RBFOX1: variants seen among roughly 807,000 people sequenced by gnomAD.
RBFOX1 encodes RNA binding protein fox-1 homolog 1.
RBFOX1 carries 8 observed loss-of-function variants against 57.7 expected under a neutral mutation model. The observed-to-expected ratio is 0.14, with a 90% CI of 0.08 to 0.25. RBFOX1 has a LOEUF of 0.25. RBFOX1 is among the 10% of genes least tolerant of loss of function. The pLI is 1.00. For missense variants in RBFOX1, 611 were observed against 548.5 expected (o/e 1.11, Z -1.14); for synonymous variants, 326 against 222.4 (o/e 1.47, Z -4.15).
chr16:5,986,689 T>G (rs777602672), intron 4 of RBFOX1, among the ~76,000 whole-genome samples: 1 of 152,210 alleles, frequency 6.6e-6, no homozygotes, highest in Admixed American at 6.5e-5. Context: ...CCCTGAAGAT[T>G]CCCCCAAGTT....
chr16:7,369,580 G>GTTGGC (rs1432328574), intron 4 of RBFOX1, among the ~76,000 whole-genome samples: 2 of 152,262 alleles, frequency 1.3e-5, no homozygotes, highest in East Asian at 3.9e-4. Flanking sequence ...TGGTTATAGT[G>GTTGGC]TTGGCTTTAA....
In RBFOX1 at chr16:6,085,375, C is replaced by T. The variant is rs375688672; in HGVS notation, c.-127+65383C>T. ...GCAACCTCTGCCTAGCGGGTTCAAG[C>T]GATTCTCCTGCCTCAGCCTCCCGAG... On this transcript the variant is annotated intron_variant, in intron 1 of 15. Transcript: ENST00000550418. Among the ~76,000 whole-genome samples, 308 of 152,282 alleles carry T rather than the reference C, an allele frequency of 2.0e-3. 1 individual carries two copies. Among genetic ancestry groups the T allele is most frequent in the African/African-American group, 7.3e-3 (303 of 41,542 alleles).
intron 3 of RBFOX1, among the ~76,000 whole-genome samples, chr16:6,954,075 G>A (rs2081292393): frequency 6.6e-6 from 1 of 152,158 alleles, no homozygotes; most frequent in Non-Finnish European, 1.5e-5. Context: ...TGTCAACAAG[G>A]CGGTAATAAA....
chr16:5,340,711 T>C (rs1449876575), intron 1 of RBFOX1, among the ~76,000 whole-genome samples: 1 of 152,206 alleles, frequency 6.6e-6, no homozygotes, highest in Non-Finnish European at 1.5e-5. Context: ...TAGCAAGTAA[T>C]CAATTCATTT....
chr16:7,297,906 C>G (rs2095933773), intron 4 of RBFOX1, among the ~76,000 whole-genome samples: 1 of 151,970 alleles, frequency 6.6e-6, no homozygotes, highest in African/African-American at 2.4e-5. Context: ...TTTGTATGCA[C>G]TTCACATGAC....
rs142946235 is a variant in RBFOX1, at chr16:6,521,193, C to T, written c.-63-133410C>T. 8.2e-4 allele frequency among the ~76,000 whole-genome samples: 125 copies of T among 152,042 alleles called. 1 individual carries two copies. The highest frequency in any genetic ancestry group is 2.9e-3 in the African/African-American group (121 of 41,488). On this transcript the variant is annotated intron_variant, in intron 2 of 15. Transcript: ENST00000550418. ...GAAAAATACCTAACAATGGGTATTG[C>T]TTAAATTATAGCAAATAGACATTAT...
intron 2 of RBFOX1, among the ~76,000 whole-genome samples, chr16:5,471,249 C>T (rs1451439912): frequency 6.6e-6 from 1 of 152,200 alleles, no homozygotes; most frequent in Non-Finnish European, 1.5e-5. Context: ...ATGGGAATTC[C>T]TATTGAGGAA....
chr16:6,521,497 T>C (rs919947265), intron 2 of RBFOX1, among the ~76,000 whole-genome samples: 1 of 137,846 alleles, frequency 7.3e-6, no homozygotes, highest in Non-Finnish European at 1.5e-5. Flanking sequence ...TCTCCTCCCG[T>C]TTTATCCCCT....
Position 6,529,354 on chromosome 16 carries a change from G to A in RBFOX1, c.-63-125249G>A, listed in dbSNP as rs140835532. ...GAGGCAGGCAGATCAAGTTCAGAAG[G>A]TGGAGACCAGCCTGACCAACTTGGT... On this transcript the variant is annotated intron_variant, in intron 2 of 15. Transcript: ENST00000550418. Among the ~76,000 whole-genome samples the A allele has an allele frequency of 4.6e-4, 70 of 152,128 alleles. 1 individual carries two copies. The highest frequency in any genetic ancestry group is 7.6e-4 in the Non-Finnish European group (52 of 68,014).
intron 4 of RBFOX1, among the ~76,000 whole-genome samples, chr16:7,249,765 T>G (rs1027189025): frequency 6.6e-6 from 1 of 152,180 alleles, no homozygotes; most frequent in Non-Finnish European, 1.5e-5. Flanking sequence ...CCGACAGTGA[T>G]GAGCAACATT....
At chr16:5,712,145 G>C (rs34057948) in intron 3 of RBFOX1, among the ~76,000 whole-genome samples, 82,484 of 152,064 alleles carry the variant, frequency 0.54, 25,980 homozygotes, top group Non-Finnish European at 0.72. Context: ...TCTCTATCAT[G>C]AGAGCAGCAT....
rs1044913462 is a variant in RBFOX1, at chr16:6,796,255, AC to A, written c.-16+141610del. Among the ~76,000 whole-genome samples the A allele has an allele frequency of 2.6e-5, 4 of 151,884 alleles. No homozygotes were observed. The South Asian group carries it at 6.2e-4, about 24-fold the overall frequency. ...GAAGAGAACAGTGAAGGAAAGACCC[AC>A]CCCCGTAATTCAGTCAACTCTCACT... is the stretch of plus-strand genomic sequence containing the variant. On this transcript the variant is annotated intron_variant, in intron 3 of 15. Coordinates refer to ENST00000550418, the MANE Select transcript of RBFOX1 (RefSeq NM_018723.4).
chr16:7,590,786 G>A (rs559532591), intron 7 of RBFOX1, among the ~76,000 whole-genome samples: 1 of 151,662 alleles, frequency 6.6e-6, no homozygotes, highest in African/African-American at 2.4e-5. Flanking sequence ...TTGAACCCGG[G>A]GGGTGGAGAT....
intron 1 of RBFOX1, among the ~76,000 whole-genome samples, chr16:6,145,020 T>A (rs918196009): frequency 6.6e-6 from 1 of 152,166 alleles, no homozygotes; most frequent in African/African-American, 2.4e-5. Context: ...TTATTTTTTT[T>A]AATCATAGTA....
chr16:5,389,641 C>G (rs1208934138), intron 1 of RBFOX1, among the ~76,000 whole-genome samples: 1 of 151,756 alleles, frequency 6.6e-6, no homozygotes, highest in Non-Finnish European at 1.5e-5. Flanking sequence ...CTCTCTCTTT[C>G]CATCCTTTTT....
intron 1 of RBFOX1, among the ~76,000 whole-genome samples, chr16:6,214,810 GGA>G (rs2097323712): frequency 1.3e-5 from 1 of 76,142 alleles, no homozygotes; most frequent in African/African-American, 5.2e-5. Flanking sequence ...AGAGGGACAG[GGA>G]GAGGGGGAGA....
intron 2 of RBFOX1, among the ~76,000 whole-genome samples, chr16:6,629,310 A>T (rs918191126): frequency 6.6e-6 from 1 of 152,200 alleles, no homozygotes; most frequent in Non-Finnish European, 1.5e-5. Flanking sequence ...GCGAGGCTAC[A>T]CTGATGTAAC....
intron 4 of RBFOX1, among the ~76,000 whole-genome samples, chr16:7,246,244 T>C (rs2094293319): frequency 6.6e-6 from 1 of 152,158 alleles, no homozygotes; most frequent in Admixed American, 6.6e-5. Flanking sequence ...CCTTAGCCTC[T>C]CCACAGCCAC....
intron 2 of RBFOX1, among the ~76,000 whole-genome samples, chr16:5,497,622 C>CAAAAAAAAAAAAAAAAAAAAAAA (rs911723996): frequency 9.4e-4 from 50 of 53,386 alleles, no homozygotes; most frequent in African/African-American, 5.4e-3. Context: ...ACTAAAAATA[C>CAAAAAAAAAAAAAAAAAAAAAAA]AAAAAAAAAA....
Sources: allele counts gnomAD v4.1 joint callset (sites outside exome capture counted in the v4.1 genomes callset), GRCh38; gene constraint gnomAD v4.1.1; transcripts MANE v1.5; gene names NCBI Gene and HGNC (gene_info 2026-07-23, HGNC 2026-07-21).